Variants in BATF2 observed in about 807,000 individuals in gnomAD.
The protein encoded by BATF2 is basic leucine zipper transcriptional factor ATF-like 2.
A neutral mutation model predicts 7.3 loss-of-function variants in BATF2; 4 were observed. That is an observed-to-expected ratio of 0.55 (90% CI 0.27 to 1.26). The LOEUF (loss-of-function observed/expected upper bound fraction) is 1.26, where lower values mean the gene tolerates loss of function less well. Ranked by LOEUF, BATF2 falls within the 50% of genes most tolerant of loss-of-function variation. The pLI, the probability that BATF2 is intolerant of heterozygous loss-of-function variation, is 0.11. For synonymous variants in BATF2, 152 were observed against 153.9 expected, an observed-to-expected ratio of 0.99 and a Z score of 0.09; for missense variants, 295 against 340.5, an observed-to-expected ratio of 0.87 and a Z score of 1.05.
At position 64,990,228 on chromosome 11, in the gene BATF2, T is replaced by C. The variant is rs1208411073; in HGVS notation, c.142-416A>G. On this transcript the variant is annotated intron_variant, in intron 2 of 2. Transcript: ENST00000301887. ...GTGGTAGAATTCCAGGCCTGTGTAGTGGCTGCAGCTCAGACCTCCGGTCTC... is the reference window on the plus strand; with the variant it reads ...GTGGTAGAATTCCAGGCCTGTGTAGCGGCTGCAGCTCAGACCTCCGGTCTC... 8 of 1,535,066 alleles carry C rather than the reference T, an allele frequency of 5.2e-6. No homozygotes were observed. The East Asian group carries it at 1.5e-4, about 28-fold the overall frequency.
chr11:64,996,028 G>A (rs549401887), intron 1 of BATF2, among the ~76,000 whole-genome samples: 1 of 152,110 alleles, frequency 6.6e-6, no homozygotes, highest in African/African-American at 2.4e-5. Context: ...CGTGATCTTG[G>A]CTCACTGCGA....
Position 64,988,044 on chromosome 11 carries a change from T to G in BATF2, c.*1085A>C, listed in dbSNP as rs1946036903. ...ACTAACATAGTGTTTCATTTACATG[T>G]GTGTGAAACCTGGGTGAAGAGCCAG... On this transcript the variant is annotated 3_prime_UTR_variant, in exon 3 of 3. Coordinates refer to ENST00000301887, the MANE Select transcript of BATF2 (RefSeq NM_138456.4). 1 of 152,240 alleles carries G rather than the reference T, an allele frequency of 6.6e-6. No individual in the cohort carries two copies. Among genetic ancestry groups the G allele is most frequent in the Non-Finnish European group, 1.5e-5 (1 of 68,050 alleles). 9.4% of individuals were successfully genotyped at this position (152,240 alleles called of 1,614,324 possible). A position where few individuals can be genotyped will look rare whatever the true frequency, so the allele number is the denominator to read the frequency against.
chr11:64,989,848 A>G lies in BATF2; in HGVS notation c.142-36T>C. On this transcript the variant is annotated intron_variant, in intron 2 of 2. Coordinates refer to ENST00000301887, the MANE Select transcript of BATF2 (RefSeq NM_138456.4). The surrounding 1 kb of genome is among the most constrained non-coding windows in gnomAD (Gnocchi z 4.3). ...GCAGATGGGCGGGGAGGGGAACCTCAGCCAGTGTCAGGGGCCCCGCATGAG... is the reference window on the plus strand; with the variant it reads ...GCAGATGGGCGGGGAGGGGAACCTCGGCCAGTGTCAGGGGCCCCGCATGAG... The G allele has an allele frequency of 6.2e-7, 1 of 1,608,898 alleles. No individual in the cohort carries two copies. The highest frequency in any genetic ancestry group is 1.1e-5 in the South Asian group (1 of 90,486).
chr11:64,994,807 G>A (rs1366152203), intron 1 of BATF2, among the ~76,000 whole-genome samples: 1 of 152,202 alleles, frequency 6.6e-6, no homozygotes, highest in African/African-American at 2.4e-5. Flanking sequence ...GGAAGCCTGA[G>A]ATTCAAACTC....
intron 1 of BATF2, 60 bp from the exon 2 acceptor site, chr11:64,994,609 G>C (rs907374685): frequency 1.4e-5 from 21 of 1,478,220 alleles, no homozygotes; most frequent in Non-Finnish European, 1.8e-5. Flanking sequence ...CCTCCGTCCT[G>C]GCCCGCCATT....
In BATF2 at chr11:64,989,659, A is replaced by G; in HGVS notation, c.295T>C (p.Cys99Arg). 6.2e-7 allele frequency: 1 copy of G among 1,613,568 alleles called. No individual in the cohort carries two copies. The highest frequency in any genetic ancestry group is 8.5e-7 in the Non-Finnish European group (1 of 1,179,870). Reference protein sequence around the residue: ...ASCSAPGLLGCWDQAEGLLGP... With the variant: ...ASCSAPGLLGRWDQAEGLLGP... The stretch of plus-strand genomic sequence containing the variant: ...AGGAGCCCCTCAGCCTGGTCCCAGC[A>G]GCCCAGGAGCCCTGGAGCTGAGCAG... Residue 99 changes from cysteine to arginine, a missense_variant, in exon 3 of 3, where the codon TGC becomes CGC. Physicochemically the swap from Cys to Arg is radical, Grantham distance 180. Transcript: ENST00000301887. The surrounding 1 kb of genome is among the most constrained non-coding windows in gnomAD (Gnocchi z 4.3).
At chr11:64,991,348 G>A (rs1307041151) in intron 2 of BATF2, among the ~76,000 whole-genome samples, 1 of 150,896 alleles carries the variant, frequency 6.6e-6, no homozygotes, top group African/African-American at 2.4e-5. Flanking sequence ...CTAGAGATGG[G>A]GTTTCACCAT....
Position 64,996,898 on chromosome 11 carries a change from C to G in BATF2, c.17G>C (p.Gly6Ala), listed in dbSNP as rs767999183. ...CACTGTCTGGGTCAGCAGCCCATTGCCCCCACAGAGGTGCATGGCTTAGGC... is the reference window on the plus strand; with the variant it reads ...CACTGTCTGGGTCAGCAGCCCATTGGCCCCACAGAGGTGCATGGCTTAGGC... MHLCG[G>A]NGLLTQTDPK... is the part of the protein sequence containing the mutation. Residue 6 changes from glycine (G) to alanine (A), a missense_variant, in exon 1 of 3, where the codon GGC becomes GCC. By Grantham distance (60) the Gly-to-Ala change is moderately conservative. Coordinates refer to ENST00000301887, the MANE Select transcript of BATF2 (RefSeq NM_138456.4). 3 of 1,607,026 alleles carry G rather than the reference C, an allele frequency of 1.9e-6. No individual in the cohort carries two copies. Among genetic ancestry groups the G allele is most frequent in the South Asian group, 1.1e-5 (1 of 90,138 alleles).
chr11:64,990,243 C>T (rs776985149), intron 2 of BATF2: 16 of 1,532,242 alleles, frequency 1.0e-5, no homozygotes, highest in African/African-American at 1.4e-5. Flanking sequence ...GCAGCTCAGA[C>T]CTCCGGTCTC....
At chr11:64,992,338 A>G (rs1000238066) in intron 2 of BATF2, among the ~76,000 whole-genome samples, 2 of 151,730 alleles carry the variant, frequency 1.3e-5, no homozygotes, top group Non-Finnish European at 2.9e-5. Context: ...AAGTGCTGGG[A>G]TTATAGGCGT....
Position 64,988,959 on chromosome 11 carries a change from G to A in BATF2, c.*170C>T, listed in dbSNP as rs1237953229. On this transcript the variant is annotated 3_prime_UTR_variant, in exon 3 of 3. Coordinates refer to ENST00000301887, the MANE Select transcript of BATF2 (RefSeq NM_138456.4). ...TTGAAATAAGATATTGGTGGTGACA[G>A]GGCCTGTCACAGTGGGAGGCATCAG... 1.4e-5 allele frequency: 9 copies of A among 652,148 alleles called. No individual in the cohort carries two copies. In the Admixed American group the frequency reaches 1.7e-4, roughly 12 times the overall value. The allele number at this position is 652,148 out of a possible 1,614,324, so 40.4% of individuals were successfully genotyped here.
rs367897184 is a variant in BATF2, at chr11:64,989,720, G to T, written c.234C>A (p.His78Gln). 1.2e-6 allele frequency: 2 copies of T among 1,614,002 alleles called. No individual in the cohort carries two copies. The highest frequency in any genetic ancestry group is 3.3e-5 in the Admixed American group (2 of 60,024). ...AELAWWSRTL[H>Q]VHERLCPMDC... ...CCATGGGGCACAGGCGCTCATGCAC[G>T]TGCAGGGTCCGGCTCCACCACGCCA... Residue 78 changes from histidine to glutamine, a missense_variant, in exon 3 of 3, where the codon CAC becomes CAA. By Grantham distance (24) the His-to-Gln change is conservative. Transcript: ENST00000301887. This position sits in a 1 kb window ranked among gnomAD's most constrained non-coding sequence, Gnocchi z 4.3.
intron 2 of BATF2, among the ~76,000 whole-genome samples, chr11:64,992,632 A>G (rs2136878774): frequency 2.0e-5 from 3 of 146,544 alleles, no homozygotes; most frequent in South Asian, 2.2e-4. Context: ...AGGCCGAGGT[A>G]GGTGGATCAA....
In BATF2 at chr11:64,994,525, G is replaced by A. The variant is rs1946097300; in HGVS notation, c.64C>T (p.Leu22=). 6.2e-7 allele frequency: 1 copy of A among 1,603,548 alleles called. No homozygotes were observed. The highest frequency in any genetic ancestry group is 8.5e-7 in the Non-Finnish European group (1 of 1,175,144). ...GCTGCCCGGTTCTTCTGCTTCTTCA[G>A]CTGCCTTTGTTGCTCCTTGGGGTCC... ...QTDPKEQQRQ[L]KKQKNRAAAQ... is the part of the protein sequence containing the mutation. Residue 22 remains leucine, a synonymous_variant, in exon 2 of 3, where the codon CTG becomes TTG. Transcript: ENST00000301887.
chr11:64,992,254 T>TG (rs1300662908), intron 2 of BATF2, among the ~76,000 whole-genome samples: 1 of 151,972 alleles, frequency 6.6e-6, no homozygotes, highest in Non-Finnish European at 1.5e-5. Flanking sequence ...TTAGTAGAGA[T>TG]GGGGTTTTAC....
intron 2 of BATF2, among the ~76,000 whole-genome samples, chr11:64,993,965 A>AT: frequency 6.6e-6 from 1 of 152,068 alleles, no homozygotes; most frequent in East Asian, 1.9e-4. Flanking sequence ...CCAGCTAACT[A>AT]TTTTTTAATT....
chr11:64,996,806 A>C, intron 1 of BATF2, 70 bp downstream of exon 1: 1 of 1,595,342 alleles, frequency 6.3e-7, no homozygotes, highest in South Asian at 1.1e-5. Flanking sequence ...TGCAGCCCTC[A>C]CTGCCTGGGC....
rs183849198 is a variant in BATF2, at chr11:64,989,577, G to A, written c.377C>T (p.Thr126Ile). Residue 126 changes from threonine (T) to isoleucine (I), a missense_variant, in exon 3 of 3, where the codon ACC becomes ATC. By Grantham distance (89) the Thr-to-Ile change is moderately conservative (BLOSUM62 -1). Transcript: ENST00000301887. The surrounding 1 kb of genome is among the most constrained non-coding windows in gnomAD (Gnocchi z 4.3). ...GCREQLELFQ[T>I]PGSCYPAQPL... ...CTGAGCTGGGTAACAGGAACCCGGG[G>A]TCTGGAACAGCTCCAGCTGCTCCCG... The A allele has an allele frequency of 6.9e-6, 11 of 1,593,620 alleles. No individual in the cohort carries two copies. The highest frequency in any genetic ancestry group is 1.8e-5 in the Admixed American group (1 of 55,634).
chr11:64,991,153 AT>A lies in BATF2; in HGVS notation c.142-1342del, dbSNP rs986602706. On this transcript the variant is annotated intron_variant, in intron 2 of 2. Coordinates refer to ENST00000301887, the MANE Select transcript of BATF2 (RefSeq NM_138456.4). ...CTGGTTTCTACATGTGGAATGATGA[AT>A]TTTTTTTTTTTTTTTTTTTTGAGAC... Among the ~76,000 whole-genome samples the A allele has an allele frequency of 6.9e-3, 779 of 113,014 alleles. 1 individual carries two copies. The highest frequency in any genetic ancestry group is 0.025 in the Middle Eastern group (4 of 160). 74.1% of individuals were successfully genotyped at this position (113,014 alleles called of 152,430 possible). A position where few individuals can be genotyped will look rare whatever the true frequency, so the allele number is the denominator to read the frequency against.
Sources: allele counts gnomAD v4.1 joint callset (sites outside exome capture counted in the v4.1 genomes callset), GRCh38; gene constraint gnomAD v4.1.1; non-coding constraint Gnocchi (gnomAD v3.1); transcripts MANE v1.5; gene names NCBI Gene and HGNC (gene_info 2026-07-23, HGNC 2026-07-21).